TENM2: variants seen among roughly 807,000 people sequenced by gnomAD.
TENM2 encodes teneurin transmembrane protein 2.
TENM2 carries 52 observed loss-of-function variants against 245.2 expected under a neutral mutation model. The observed-to-expected ratio is 0.21, with a 90% CI of 0.17 to 0.27. The LOEUF (loss-of-function observed/expected upper bound fraction) is 0.27. Among genes scored for constraint, TENM2 ranks in the 10% least tolerant of loss-of-function variants. TENM2 has a pLI of 1.00. For synonymous variants in TENM2, 1,363 were observed against 1,438.9 expected, an observed-to-expected ratio of 0.95 and a Z score of 1.19; for missense variants, 3,046 against 3,666.8, an observed-to-expected ratio of 0.83 and a Z score of 4.37.
chr5:167,170,135 GA>G, the TENM2 span, among the ~76,000 whole-genome samples: 1 of 152,210 alleles, frequency 6.6e-6, no homozygotes, highest in African/African-American at 2.4e-5. Flanking sequence ...CTTCTTTCTA[GA>G]GAATAGCCTA....
the TENM2 span, among the ~76,000 whole-genome samples, chr5:167,017,320 A>G: frequency 5.3e-5 from 8 of 152,226 alleles, no homozygotes; most frequent in Non-Finnish European, 1.0e-4. Flanking sequence ...TATATTTTCA[A>G]TAAAATGTTA....
chr5:168,231,636 A>C (rs747116630), intron 25 of TENM2, among the ~76,000 whole-genome samples: 4 of 151,408 alleles, frequency 2.6e-5, no homozygotes, highest in Non-Finnish European at 5.9e-5. Context: ...ACAGTGGCTC[A>C]TGCTTGTTTT....
chr5:167,702,605 G>C (rs1758236903), intron 2 of TENM2, among the ~76,000 whole-genome samples: 1 of 144,928 alleles, frequency 6.9e-6, no homozygotes, highest in Non-Finnish European at 1.5e-5. Context: ...CATAGTAAAA[G>C]TTTTCCCAAG....
chr5:167,023,507 C>G, the TENM2 span, among the ~76,000 whole-genome samples: 1 of 152,134 alleles, frequency 6.6e-6, no homozygotes, highest in Admixed American at 6.5e-5. Flanking sequence ...ACAGACTCAC[C>G]ATGTGAGCAT....
chr5:167,509,173 T>G (rs1769759023), intron 2 of TENM2, among the ~76,000 whole-genome samples: 1 of 152,234 alleles, frequency 6.6e-6, no homozygotes, highest in African/African-American at 2.4e-5. Flanking sequence ...AAAGTCATTC[T>G]TCTTGTCTAT....
At chr5:167,196,264 G>A in the TENM2 span, among the ~76,000 whole-genome samples, 1 of 151,992 alleles carries the variant, frequency 6.6e-6, no homozygotes, top group South Asian at 2.1e-4. Context: ...GCAAAGTACA[G>A]TAAAAATAAA....
intron 4 of TENM2, among the ~76,000 whole-genome samples, chr5:167,971,543 A>G (rs927674611): frequency 3.3e-5 from 5 of 152,090 alleles, no homozygotes; most frequent in African/African-American, 1.2e-4. Context: ...TCTATTAAAA[A>G]TACTAAAATT....
chr5:167,151,292 A>G, the TENM2 span, among the ~76,000 whole-genome samples: 1 of 152,126 alleles, frequency 6.6e-6, no homozygotes, highest in East Asian at 1.9e-4. Context: ...ACATGCCAAC[A>G]TTTAGCAAGG....
the TENM2 span, among the ~76,000 whole-genome samples, chr5:167,159,083 G>C: frequency 5.3e-3 from 806 of 151,626 alleles, 7 homozygotes; most frequent in Non-Finnish European, 7.3e-3. Context: ...CTCCCAAGTA[G>C]CTGGGATTAT....
intron 2 of TENM2, among the ~76,000 whole-genome samples, chr5:167,385,988 G>A (rs965963806): frequency 2.6e-5 from 4 of 151,560 alleles, no homozygotes; most frequent in South Asian, 2.1e-4. Flanking sequence ...CTATAAACAC[G>A]CGTGTGCAAG....
At chr5:167,234,577 G>T in the TENM2 span, among the ~76,000 whole-genome samples, 3 of 152,286 alleles carry the variant, frequency 2.0e-5, no homozygotes, top group East Asian at 5.8e-4. Flanking sequence ...GAAAATGTCT[G>T]ACTTTTATCA....
intron 2 of TENM2, among the ~76,000 whole-genome samples, chr5:167,598,191 G>A (rs1405650596): frequency 6.6e-6 from 1 of 152,146 alleles, no homozygotes; most frequent in African/African-American, 2.4e-5. Flanking sequence ...TTTTAATTGT[G>A]TATATTAGAG....
At chr5:168,184,696 C>T (rs2152497920) in intron 13 of TENM2, among the ~76,000 whole-genome samples, 1 of 152,348 alleles carries the variant, frequency 6.6e-6, no homozygotes. Context: ...GTTCAGCCAA[C>T]TCCAAAGGAT....
chr5:167,671,442 T>G (rs1433497437), intron 2 of TENM2, among the ~76,000 whole-genome samples: 1 of 152,126 alleles, frequency 6.6e-6, no homozygotes, highest in East Asian at 1.9e-4. Flanking sequence ...ATCTGGAGAC[T>G]TTATTGAACT....
chr5:167,561,452 G>T (rs926153091), intron 2 of TENM2, among the ~76,000 whole-genome samples: 1 of 152,196 alleles, frequency 6.6e-6, no homozygotes, highest in Non-Finnish European at 1.5e-5. Context: ...AGAGGAGAAG[G>T]CTGAACTTTT....
the TENM2 span, among the ~76,000 whole-genome samples, chr5:167,243,038 T>A: frequency 1.3e-5 from 2 of 151,894 alleles, no homozygotes; most frequent in Admixed American, 6.6e-5. Context: ...TTTTTTTTTT[T>A]CCCATTGAAA....
chr5:168,006,641 A>C (rs908820895), intron 5 of TENM2, among the ~76,000 whole-genome samples: 3 of 152,228 alleles, frequency 2.0e-5, no homozygotes, highest in African/African-American at 7.2e-5. Context: ...GGCCTCAGAA[A>C]TAGAAATAGC....
intron 2 of TENM2, among the ~76,000 whole-genome samples, chr5:167,478,371 G>A (rs1245165821): frequency 2.6e-5 from 4 of 152,128 alleles, no homozygotes; most frequent in African/African-American, 9.7e-5. Flanking sequence ...ACTCTGCCAG[G>A]AAACTGTCTC....
chr5:168,112,263 T>C (rs942745977), intron 9 of TENM2, among the ~76,000 whole-genome samples: 6 of 152,102 alleles, frequency 3.9e-5, no homozygotes, highest in Admixed American at 1.3e-4. Context: ...CAAGTGTGGG[T>C]TCGTTACATA....
Sources: allele counts gnomAD v4.1 joint callset (sites outside exome capture counted in the v4.1 genomes callset), GRCh38; gene constraint gnomAD v4.1.1; transcripts MANE v1.5; gene names NCBI Gene and HGNC (gene_info 2026-07-23, HGNC 2026-07-21).